SORCS2: variants seen among roughly 807,000 people sequenced by gnomAD.
SORCS2 encodes the protein sortilin related VPS10 domain containing receptor 2.
Under a neutral mutation model 141.6 loss-of-function variants are expected in SORCS2, and 100 were observed. The observed-to-expected ratio is 0.71, with a 90% CI of 0.60 to 0.83. The LOEUF (loss-of-function observed/expected upper bound fraction) is 0.83. SORCS2 is among the 40% of genes least tolerant of loss of function. The pLI is 0.00. For synonymous variants in SORCS2, 789 were observed against 676.9 expected, an observed-to-expected ratio of 1.17 and a Z score of -2.57; for missense variants, 1,646 against 1,560.2, an observed-to-expected ratio of 1.05 and a Z score of -0.93.
At chr4:7,552,373 G>A (rs184797775) in intron 3 of SORCS2, among the ~76,000 whole-genome samples, 51 of 152,318 alleles carry the variant, frequency 3.3e-4, no homozygotes, top group South Asian at 8.3e-4. Context: ...GGCAAAGAGG[G>A]TGGCTTGGCC....
intron 2 of SORCS2, among the ~76,000 whole-genome samples, chr4:7,429,291 C>G (rs1726666651): frequency 6.6e-6 from 1 of 152,176 alleles, no homozygotes; most frequent in Non-Finnish European, 1.5e-5. Flanking sequence ...GGAGATGTGG[C>G]TGGGGGCTCA....
chr4:7,641,384 A>C (rs1720717964), intron 4 of SORCS2, among the ~76,000 whole-genome samples: 1 of 152,176 alleles, frequency 6.6e-6, no homozygotes, highest in East Asian at 1.9e-4. Context: ...TTAAACCATC[A>C]GATCTCATGA....
At chr4:7,641,743 A>T (rs1163209945) in intron 4 of SORCS2, among the ~76,000 whole-genome samples, 1 of 151,276 alleles carries the variant, frequency 6.6e-6, no homozygotes, top group East Asian at 2.0e-4. Context: ...GAATAAATGG[A>T]TGAATAGATG....
In SORCS2 at chr4:7,373,488, T is replaced by A. The variant is rs1269106242; in HGVS notation, c.481-22800T>A. On this transcript the variant is annotated intron_variant, in intron 1 of 26. Transcript: ENST00000507866. ...TATATATATATATATATTTTTTTTT[T>A]TTTTTTTTTTTTTTTTTTGAGTCGG... is the stretch of plus-strand genomic sequence containing the variant. Among the ~76,000 whole-genome samples, 248 of 27,734 alleles carry A rather than the reference T, an allele frequency of 8.9e-3. 2 individuals carry two copies. Among genetic ancestry groups the A allele is most frequent in the Non-Finnish European group, 9.3e-3 (107 of 11,548 alleles). The allele number at this position is 27,734 out of a possible 152,430, so 18.2% of individuals were successfully genotyped here. A position where few individuals can be genotyped will look rare whatever the true frequency, so the allele number is the denominator to read the frequency against.
chr4:7,220,717 C>T lies in SORCS2; in HGVS notation c.480+27591C>T, dbSNP rs183521347. Among the ~76,000 whole-genome samples the T allele has an allele frequency of 2.0e-3, 301 of 152,228 alleles. 1 individual carries two copies. The highest frequency in any genetic ancestry group is 8.0e-3 in the Admixed American group (122 of 15,288). ...CTCCCATTTCCGGCCCCATTTTGCACGCTGTGGGGTGGCCTCTCCAGGTGC... is the reference window on the plus strand; with the variant it reads ...CTCCCATTTCCGGCCCCATTTTGCATGCTGTGGGGTGGCCTCTCCAGGTGC... On this transcript the variant is annotated intron_variant, in intron 1 of 26. Coordinates refer to ENST00000507866, the MANE Select transcript of SORCS2 (RefSeq NM_020777.3).
In SORCS2 at chr4:7,714,119, T is replaced by G. The variant is rs1726023349; in HGVS notation, c.1990-121T>G. ...GTCACGCCCCATTATGGGCCTCAGT[T>G]TCCCCATCTGTAACCTGAGCCATCA... On this transcript the variant is annotated intron_variant, in intron 15 of 26. Transcript: ENST00000507866. 2.9e-6 allele frequency: 4 copies of G among 1,395,714 alleles called. No individual in the cohort carries two copies. In the South Asian group the frequency reaches 4.4e-5, roughly 15 times the overall value. 86.5% of individuals were successfully genotyped at this position (1,395,714 alleles called of 1,614,324 possible). A position where few individuals can be genotyped will look rare whatever the true frequency, so the allele number is the denominator to read the frequency against.
At chr4:7,502,736 C>T (rs776689816) in intron 2 of SORCS2, among the ~76,000 whole-genome samples, 6 of 152,380 alleles carry the variant, frequency 3.9e-5, no homozygotes, top group African/African-American at 7.2e-5. Flanking sequence ...GGTCTCACGA[C>T]GCTCCATCTG....
At chr4:7,204,498 G>A (rs776170912) in intron 1 of SORCS2, among the ~76,000 whole-genome samples, 3 of 152,154 alleles carry the variant, frequency 2.0e-5, no homozygotes, top group Admixed American at 1.3e-4. Flanking sequence ...GATTGTAGGC[G>A]TGAGCCACCA....
At chr4:7,694,639 T>C (rs1382194469) in intron 11 of SORCS2, among the ~76,000 whole-genome samples, 1 of 152,248 alleles carries the variant, frequency 6.6e-6, no homozygotes, top group African/African-American at 2.4e-5. Context: ...AGCAGAAAGA[T>C]AAAAGGCATC....
intron 3 of SORCS2, among the ~76,000 whole-genome samples, chr4:7,621,812 A>G (rs367677439): frequency 2.6e-5 from 4 of 152,310 alleles, no homozygotes; most frequent in East Asian, 3.9e-4. Context: ...ACCTCTGGGT[A>G]AGATGCTCAC....
chr4:7,706,075 G>GTCTCTGCCTGGACAGAGATGAGGCTGA (rs1725422896), intron 14 of SORCS2, among the ~76,000 whole-genome samples: 1 of 144,134 alleles, frequency 6.9e-6, no homozygotes, highest in African/African-American at 2.6e-5. Context: ...GATGAGGCTG[G>GTCTCTGCCTGGACAGAGATGAGGCTGA]GCTCTGCCTG....
At chr4:7,440,724 G>A (rs2109257343) in intron 2 of SORCS2, among the ~76,000 whole-genome samples, 2 of 152,282 alleles carry the variant, frequency 1.3e-5, no homozygotes, top group South Asian at 4.1e-4. Flanking sequence ...CCTCCCCTCT[G>A]CCCTTCCCAA....
intron 3 of SORCS2, among the ~76,000 whole-genome samples, chr4:7,629,307 C>G (rs1304523938): frequency 2.0e-5 from 3 of 152,152 alleles, no homozygotes; most frequent in Non-Finnish European, 4.4e-5. Context: ...GCCACACAGC[C>G]TCCGGGAAGG....
intron 2 of SORCS2, among the ~76,000 whole-genome samples, chr4:7,418,840 A>G (rs944221591): frequency 6.6e-6 from 1 of 152,092 alleles, no homozygotes; most frequent in Admixed American, 6.5e-5. Context: ...ATCTGTAGTA[A>G]GCAGCCAATT....
chr4:7,372,834 G>A (rs775347036), intron 1 of SORCS2, among the ~76,000 whole-genome samples: 2 of 151,890 alleles, frequency 1.3e-5, no homozygotes, highest in African/African-American at 4.8e-5. Context: ...GTGACCTTCC[G>A]GGCCTGGCTG....
chr4:7,559,170 T>G (rs1714349662), intron 3 of SORCS2, among the ~76,000 whole-genome samples: 1 of 152,224 alleles, frequency 6.6e-6, no homozygotes, highest in Non-Finnish European at 1.5e-5. Flanking sequence ...CACTCTGCCC[T>G]GGCCTCTGAG....
At chr4:7,429,435 G>C (rs995438039) in intron 2 of SORCS2, among the ~76,000 whole-genome samples, 1 of 152,266 alleles carries the variant, frequency 6.6e-6, no homozygotes, top group Non-Finnish European at 1.5e-5. Context: ...AACAGCAGCA[G>C]AGAGTGGTTA....
At chr4:7,539,922 C>G (rs1004599958) in intron 3 of SORCS2, among the ~76,000 whole-genome samples, 1 of 150,068 alleles carries the variant, frequency 6.7e-6, no homozygotes. Context: ...GGAGGCCCCA[C>G]CCCCTTCCTG....
intron 1 of SORCS2, among the ~76,000 whole-genome samples, chr4:7,288,200 C>T (rs542860427): frequency 6.6e-6 from 1 of 152,312 alleles, no homozygotes; most frequent in African/African-American, 2.4e-5. Context: ...CCCATGTCCT[C>T]AGGATGAGCA....
Sources: allele counts gnomAD v4.1 joint callset (sites outside exome capture counted in the v4.1 genomes callset), GRCh38; gene constraint gnomAD v4.1.1; transcripts MANE v1.5; gene names NCBI Gene and HGNC (gene_info 2026-07-23, HGNC 2026-07-21).